Variants in BRCA1 observed in about 807,000 individuals in gnomAD.
The protein encoded by BRCA1 is breast cancer type 1 susceptibility protein.
In BRCA1, 140 loss-of-function variants were observed where a neutral mutation model predicts 173.7. That is an observed-to-expected ratio of 0.81 (90% CI 0.70 to 0.93). BRCA1 has a LOEUF of 0.93. BRCA1 is among the 40% of genes least tolerant of loss of function. BRCA1 has a pLI of 0.00. For missense variants in BRCA1, 1,983 were observed against 2,172.5 expected (o/e 0.91, Z 1.73); for synonymous variants, 662 against 756.0 (o/e 0.88, Z 2.04).
chr17:43,128,100 G>A (rs186432024), upstream of BRCA1, among the ~76,000 whole-genome samples: 4 of 148,262 alleles, frequency 2.7e-5, no homozygotes, highest in South Asian at 6.4e-4. Context: ...CTCCTTCCAC[G>A]CTGTGGAAGC....
At chr17:43,118,361 T>C (rs2055390932) in intron 2 of BRCA1, among the ~76,000 whole-genome samples, 1 of 152,088 alleles carries the variant, frequency 6.6e-6, no homozygotes, top group Non-Finnish European at 1.5e-5. Flanking sequence ...ATCTTTAGCT[T>C]TATTCTGGTC....
intron 16 of BRCA1, among the ~76,000 whole-genome samples, chr17:43,064,265 T>C (rs1320932609): frequency 6.6e-6 from 1 of 152,202 alleles, no homozygotes; most frequent in Non-Finnish European, 1.5e-5. Flanking sequence ...TTCAAGGAAT[T>C]AGGAATTATC....
chr17:43,065,763 C>T (rs979137065), intron 16 of BRCA1, among the ~76,000 whole-genome samples: 3 of 152,220 alleles, frequency 2.0e-5, no homozygotes, highest in African/African-American at 7.2e-5. Context: ...AGTTGAGCCA[C>T]ACAATCTGCA....
intron 1 of BRCA1, among the ~76,000 whole-genome samples, chr17:43,154,315 C>A (rs1199692866): frequency 6.6e-6 from 1 of 152,140 alleles, no homozygotes; most frequent in African/African-American, 2.4e-5. Context: ...GAAACCCCAT[C>A]TCTACTAAAA....
At chr17:43,086,984 G>A (rs1433802485) in intron 11 of BRCA1, among the ~76,000 whole-genome samples, 1 of 152,176 alleles carries the variant, frequency 6.6e-6, no homozygotes, top group Non-Finnish European at 1.5e-5. Flanking sequence ...TAGAAGATAA[G>A]CCTTCTCTAA....
intron 12 of BRCA1, among the ~76,000 whole-genome samples, chr17:43,077,722 T>G (rs1459754876): frequency 6.9e-6 from 1 of 144,212 alleles, no homozygotes; most frequent in Non-Finnish European, 1.5e-5. Context: ...GAAGTACTTA[T>G]TTATTTATTT....
At chr17:43,071,648 A>C (rs1193913716) in intron 14 of BRCA1, among the ~76,000 whole-genome samples, 1 of 152,176 alleles carries the variant, frequency 6.6e-6, no homozygotes, top group Non-Finnish European at 1.5e-5. Context: ...ATAAAACAGA[A>C]ATGTTACTAA....
At chr17:43,047,785 T>C in intron 21 of BRCA1, 82 bp from the exon 22 acceptor site, 1 of 1,489,036 alleles carries the variant, frequency 6.7e-7, no homozygotes, top group Non-Finnish European at 9.3e-7. Context: ...TTTTTGTTTG[T>C]TTTTGAGACA....
At chr17:43,135,193 A>G (rs1165495941) in intron 1 of BRCA1, among the ~76,000 whole-genome samples, 1 of 152,240 alleles carries the variant, frequency 6.6e-6, no homozygotes, top group African/African-American at 2.4e-5. Context: ...TTCCACCTTC[A>G]GCCAGAAGGC....
At chr17:43,115,626 A>G (rs2055233296) in intron 3 of BRCA1, 100 bp downstream of exon 3, 2 of 1,199,686 alleles carry the variant, frequency 1.7e-6, no homozygotes, top group African/African-American at 3.1e-5. Context: ...TTCTCACTTA[A>G]TTGAAGAAAG....
chr17:43,164,704 G>T (rs1162334991), intron 1 of BRCA1: 1 of 152,150 alleles, frequency 6.6e-6, no homozygotes, highest in African/African-American at 2.4e-5. Flanking sequence ...CAGCAGTCTT[G>T]GTGGTTAGCA....
intron 13 of BRCA1, among the ~76,000 whole-genome samples, chr17:43,075,012 AAAGGAAAGAAAG>A (rs1281868114): frequency 4.6e-5 from 7 of 150,980 alleles, no homozygotes; most frequent in Admixed American, 3.3e-4. Flanking sequence ...GAAAGGAAAG[AAAGGAAAGAAAG>A]AAGGAAAGAA....
intron 1 of BRCA1, among the ~76,000 whole-genome samples, chr17:43,133,665 C>T (rs1489286261): frequency 6.9e-6 from 1 of 144,640 alleles, no homozygotes; most frequent in Non-Finnish European, 1.5e-5. Flanking sequence ...GACAGGATCT[C>T]ACTCTGTTAC....
intron 16 of BRCA1, among the ~76,000 whole-genome samples, chr17:43,064,827 A>ATTTTTTTTTTT (rs60879064): frequency 9.4e-6 from 1 of 106,680 alleles, no homozygotes; most frequent in Non-Finnish European, 1.8e-5. Context: ...TTTGATTTGC[A>ATTTTTTTTTTT]TTTTTTTTTT....
intron 3 of BRCA1, among the ~76,000 whole-genome samples, chr17:43,108,259 A>G (rs552499204): frequency 5.7e-4 from 86 of 149,964 alleles, no homozygotes; most frequent in African/African-American, 2.1e-3. Context: ...AATAAGTTGA[A>G]CCTGTGAGGC....
At chr17:43,157,010 G>A (rs1285554105) in intron 1 of BRCA1, among the ~76,000 whole-genome samples, 1 of 152,156 alleles carries the variant, frequency 6.6e-6, no homozygotes, top group East Asian at 1.9e-4. Context: ...TTTGCATTTT[G>A]AGCTTCCAAT....
At chr17:43,136,382 C>T (rs1173355789) in intron 1 of BRCA1, among the ~76,000 whole-genome samples, 4 of 152,104 alleles carry the variant, frequency 2.6e-5, no homozygotes, top group Non-Finnish European at 5.9e-5. Context: ...GGGGCAAAGA[C>T]TTCATGACTA....
At chr17:43,099,114 C>T (rs1166691336) in intron 7 of BRCA1, among the ~76,000 whole-genome samples, 2 of 150,328 alleles carry the variant, frequency 1.3e-5, no homozygotes, top group South Asian at 2.1e-4. Context: ...TGAGCCACTG[C>T]GCCTGGCAAT....
chr17:43,075,586 G>A (rs992133192), intron 13 of BRCA1, among the ~76,000 whole-genome samples: 4 of 151,572 alleles, frequency 2.6e-5, no homozygotes, highest in Middle Eastern at 3.4e-3. Flanking sequence ...GTTTTGAGAC[G>A]GAGTCTTGCT....
Sources: allele counts gnomAD v4.1 joint callset (sites outside exome capture counted in the v4.1 genomes callset), GRCh38; gene constraint gnomAD v4.1.1; transcripts MANE v1.5; gene names NCBI Gene and HGNC (gene_info 2026-07-23, HGNC 2026-07-21).